The following PYGL variants were observed in gnomAD, a reference collection of about 807,000 sequenced individuals.
PYGL encodes glycogen phosphorylase, liver form.
Under a neutral mutation model 100.1 loss-of-function variants are expected in PYGL, and 90 were observed. That is an observed-to-expected ratio of 0.90 (90% confidence interval 0.76 to 1.07). PYGL has a LOEUF of 1.07. PYGL is among the 50% of genes least tolerant of loss of function. PYGL has a pLI of 0.00. For synonymous variants in PYGL, 373 were observed against 393.0 expected, an observed-to-expected ratio of 0.95 and a Z score of 0.60; for missense variants, 1,016 against 1,057.6, an observed-to-expected ratio of 0.96 and a Z score of 0.55.
In PYGL at chr14:50,913,294, G is replaced by A. The variant is rs1485899802; in HGVS notation, c.1519-164C>T. On this transcript the variant is annotated intron_variant, in intron 12 of 19. Transcript: ENST00000216392. ...AAAGAAGAGTCTATAAAGTCTATGTGAGAAGAACACTTTTGCTAGTATCTT... is the reference window on the plus strand; with the variant it reads ...AAAGAAGAGTCTATAAAGTCTATGTAAGAAGAACACTTTTGCTAGTATCTT... The A allele has an allele frequency of 8.3e-6, 5 of 602,478 alleles. No individual in the cohort carries two copies. The East Asian group carries it at 9.0e-5, about 11-fold the overall frequency. The allele number at this position is 602,478 out of a possible 1,614,324, so 37.3% of individuals were successfully genotyped here. A position where few individuals can be genotyped will look rare whatever the true frequency, so the allele number is the denominator to read the frequency against.
chr14:50,921,398 C>T, intron 5 of PYGL: 1 of 201,776 alleles, frequency 5.0e-6, no homozygotes, highest in Non-Finnish European at 1.0e-5. Flanking sequence ...AAAAGTTTAT[C>T]TTTTTTTTTT....
Position 50,916,994 on chromosome 14 carries a change from C to T in PYGL, c.967G>A (p.Ala323Thr). Residue 323 changes from alanine to threonine, a missense_variant, in exon 8 of 20, where the codon GCA becomes ACA. Transcript: ENST00000216392. ...GGGAAGGCATCAAACACAGTTCCTG[C>T]ACCACGGGTGGAGCCAAACTTGGAG... ...KASKFGSTRG[A>T]GTVFDAFPDQ... 1 of 1,614,230 alleles carries T rather than the reference C, an allele frequency of 6.2e-7. No homozygotes were observed. Among genetic ancestry groups the T allele is most frequent in the South Asian group, 1.1e-5 (1 of 91,090 alleles).
intron 17 of PYGL, among the ~76,000 whole-genome samples, chr14:50,909,664 C>T (rs531369549): frequency 4.6e-5 from 7 of 152,230 alleles, no homozygotes; most frequent in South Asian, 4.2e-4. Context: ...CTGCAATGGC[C>T]GATAACAAAT....
At chr14:50,922,936 C>T (rs547148521) in intron 5 of PYGL, among the ~76,000 whole-genome samples, 9 of 152,356 alleles carry the variant, frequency 5.9e-5, no homozygotes, top group African/African-American at 2.2e-4. Context: ...TAAACTGACA[C>T]GTGACTGTGT....
At chr14:50,925,989 C>G (rs2050544434) in intron 4 of PYGL, among the ~76,000 whole-genome samples, 1 of 152,136 alleles carries the variant, frequency 6.6e-6, no homozygotes, top group Non-Finnish European at 1.5e-5. Context: ...CTACTGGTCC[C>G]TGAACCCCAC....
intron 17 of PYGL, among the ~76,000 whole-genome samples, chr14:50,909,367 T>C (rs567339302): frequency 2.6e-4 from 40 of 152,362 alleles, no homozygotes; most frequent in African/African-American, 9.6e-4. Flanking sequence ...TCAGGAAGTA[T>C]ATTCAACATC....
At chr14:50,912,725 G>C (rs775879732) in intron 13 of PYGL, among the ~76,000 whole-genome samples, 1 of 152,174 alleles carries the variant, frequency 6.6e-6, no homozygotes, top group Admixed American at 6.5e-5. Context: ...AGGCCGAGGC[G>C]GGTGGATCAC....
At chr14:50,943,279 G>C (rs2050716624) in intron 1 of PYGL, among the ~76,000 whole-genome samples, 1 of 151,990 alleles carries the variant, frequency 6.6e-6, no homozygotes, top group Non-Finnish European at 1.5e-5. Flanking sequence ...CCCTCTCCCT[G>C]CCATGTCCTC....
intron 12 of PYGL, among the ~76,000 whole-genome samples, chr14:50,913,826 T>A (rs2065275799): frequency 6.6e-6 from 1 of 152,058 alleles, no homozygotes; most frequent in Admixed American, 6.6e-5. Context: ...GTAGCTAGGA[T>A]TACAGGTGCA....
chr14:50,917,401 A>G (rs144534731), intron 7 of PYGL, among the ~76,000 whole-genome samples: 1 of 152,344 alleles, frequency 6.6e-6, no homozygotes, highest in African/African-American at 2.4e-5. Context: ...GATTCAGAAG[A>G]TCCAAGACAG....
At chr14:50,929,602 C>T (rs1257939321) in intron 4 of PYGL, among the ~76,000 whole-genome samples, 4 of 152,092 alleles carry the variant, frequency 2.6e-5, no homozygotes, top group Non-Finnish European at 5.9e-5. Flanking sequence ...AATCTTCCAT[C>T]TGATAATAGT....
chr14:50,918,412 T>C (rs2050472842), intron 7 of PYGL, among the ~76,000 whole-genome samples: 1 of 152,198 alleles, frequency 6.6e-6, no homozygotes, highest in African/African-American at 2.4e-5. Flanking sequence ...CAATTCGCAA[T>C]TACAAAGATG....
chr14:50,922,454 G>T (rs2050510863), intron 5 of PYGL, among the ~76,000 whole-genome samples: 2 of 152,156 alleles, frequency 1.3e-5, no homozygotes, highest in Non-Finnish European at 2.9e-5. Context: ...TTTAAAGCAA[G>T]TTGTAATCAA....
At chr14:50,935,562 C>T (rs1233005696) in intron 2 of PYGL, among the ~76,000 whole-genome samples, 1 of 152,100 alleles carries the variant, frequency 6.6e-6, no homozygotes, top group Non-Finnish European at 1.5e-5. Context: ...GCATTTAGAA[C>T]TATTCTTGGG....
Position 50,935,127 on chromosome 14 carries a change from C to T in PYGL, c.404G>A (p.Gly135Asp). The change falls in exon 3 of 20, where the codon GGT becomes GAT. Residue 135 changes from glycine (G) to aspartate (D), a missense_variant. Physicochemically the swap from Gly to Asp is moderately conservative, Grantham distance 94. Transcript: ENST00000216392. ...CTTACCAGCAAGTCTCCCAAGACCACCATTGCCAAGTCCAGCATCTTCTTC... is the reference window on the plus strand; with the variant it reads ...CTTACCAGCAAGTCTCCCAAGACCATCATTGCCAAGTCCAGCATCTTCTTC... ...EIEEDAGLGN[G>D]GLGRLAACFL... 6.2e-7 allele frequency: 1 copy of T among 1,612,284 alleles called. No homozygotes were observed. The highest frequency in any genetic ancestry group is 2.2e-5 in the East Asian group (1 of 44,874).
At chr14:50,913,652 G>A (rs1455676953) in intron 12 of PYGL, among the ~76,000 whole-genome samples, 3 of 152,006 alleles carry the variant, frequency 2.0e-5, no homozygotes, top group Non-Finnish European at 2.9e-5. Flanking sequence ...GGGATTACAC[G>A]TGTGAGCCAC....
intron 13 of PYGL, 120 bp from the exon 14 acceptor site, chr14:50,912,423 A>G (rs555062036): frequency 7.8e-7 from 1 of 1,283,670 alleles, no homozygotes; most frequent in East Asian, 2.3e-5. Flanking sequence ...CAGTGGCATG[A>G]TCTCAGATCA....
chr14:50,917,208 G>A, intron 7 of PYGL, 103 bp from the exon 8 acceptor site: 1 of 1,302,208 alleles, frequency 7.7e-7, no homozygotes, highest in Non-Finnish European at 1.1e-6. Context: ...AGGCCCATTG[G>A]ACATCTGCTG....
At chr14:50,920,765 T>A (rs1227862809) in intron 6 of PYGL, 142 bp from the exon 7 acceptor site, 1 of 1,065,648 alleles carries the variant, frequency 9.4e-7, no homozygotes, top group Non-Finnish European at 1.4e-6. Flanking sequence ...CACACCGTCA[T>A]GCTGGACTTC....
Sources: allele counts gnomAD v4.1 joint callset (sites outside exome capture counted in the v4.1 genomes callset), GRCh38; gene constraint gnomAD v4.1.1; transcripts MANE v1.5; gene names NCBI Gene and HGNC (gene_info 2026-07-23, HGNC 2026-07-21).